The following MAP2K1 variants were observed in gnomAD, a reference collection of about 807,000 sequenced individuals.
MAP2K1 encodes mitogen-activated protein kinase kinase 1.
MAP2K1 carries 16 observed loss-of-function variants against 46.3 expected under a neutral mutation model. That is an observed-to-expected ratio of 0.35 (90% CI 0.23 to 0.52). The LOEUF is 0.52. Ranked by LOEUF, MAP2K1 falls within the 20% of genes least tolerant of loss-of-function variation. The pLI, the probability that MAP2K1 is intolerant of heterozygous loss-of-function variation, is 0.94. For missense variants in MAP2K1, 263 were observed against 497.1 expected (o/e 0.53, Z 4.48); for synonymous variants, 183 against 185.6 (o/e 0.99, Z 0.11).
chr15:66,428,269 T>C (rs2093464763), intron 1 of MAP2K1, among the ~76,000 whole-genome samples: 1 of 115,880 alleles, frequency 8.6e-6, no homozygotes, highest in South Asian at 3.2e-4. Context: ...ACAGCAGTTG[T>C]GCGTGTGTGT....
At chr15:66,449,569 T>C (rs1446416520) in intron 5 of MAP2K1, among the ~76,000 whole-genome samples, 3 of 152,312 alleles carry the variant, frequency 2.0e-5, no homozygotes, top group East Asian at 1.9e-4. Flanking sequence ...TGAAAATGCA[T>C]GAAAGTATAC....
intron 5 of MAP2K1, among the ~76,000 whole-genome samples, chr15:66,449,007 A>G (rs1487108004): frequency 2.4e-4 from 36 of 147,710 alleles, no homozygotes; most frequent in Admixed American, 1.2e-3. Context: ...CTGTCTCAAA[A>G]AAAAAAAAAA....
At chr15:66,490,198 T>G (rs1893202100) in intron 10 of MAP2K1, 1 of 545,116 alleles carries the variant, frequency 1.8e-6, no homozygotes, top group Non-Finnish European at 3.3e-6. Context: ...TAATATGCAC[T>G]AAGTCCATCA....
rs530049315 is a variant in MAP2K1, at chr15:66,454,670, G to A, written c.568+9963G>A. Among the ~76,000 whole-genome samples, 226 of 152,172 alleles carry A rather than the reference G, an allele frequency of 1.5e-3. 1 individual carries two copies. The highest frequency in any genetic ancestry group is 5.3e-3 in the African/African-American group (219 of 41,504). Reference sequence around the variant, plus strand: ...GAGGCTGAGGTGGGCAGATCACAAGGTCAGCAGTTTTGAGACCAGCCTGGC... The same window carrying A: ...GAGGCTGAGGTGGGCAGATCACAAGATCAGCAGTTTTGAGACCAGCCTGGC... On this transcript the variant is annotated intron_variant, in intron 5 of 10. Coordinates refer to ENST00000307102, the MANE Select transcript of MAP2K1 (RefSeq NM_002755.4).
intron 6 of MAP2K1, among the ~76,000 whole-genome samples, chr15:66,484,553 T>G (rs1892992173): frequency 6.6e-6 from 1 of 152,202 alleles, no homozygotes; most frequent in South Asian, 2.1e-4. Context: ...CCAGATCTTT[T>G]GTTCTATGTA....
At chr15:66,396,992 C>G (rs2093369269) in intron 1 of MAP2K1, among the ~76,000 whole-genome samples, 1 of 117,620 alleles carries the variant, frequency 8.5e-6, no homozygotes, top group Admixed American at 1.0e-4. Flanking sequence ...GCCTGTAACG[C>G]TTCTTTTTTT....
intron 5 of MAP2K1, among the ~76,000 whole-genome samples, chr15:66,479,936 C>T (rs1287646859): frequency 6.6e-6 from 1 of 151,894 alleles, no homozygotes; most frequent in Non-Finnish European, 1.5e-5. Context: ...CAGAGTTTCA[C>T]TCTTGTTGCC....
Position 66,485,300 on chromosome 15 carries a change from C to T in MAP2K1, c.895+109C>T, listed in dbSNP as rs1009617963. ...TGTACATTCTGCCAAGACTGATTCT[C>T]TGTCCCTGGATGCCAGGCTAGGGCC... On this transcript the variant is annotated intron_variant, in intron 7 of 10. Coordinates refer to ENST00000307102, the MANE Select transcript of MAP2K1 (RefSeq NM_002755.4). 3 of 1,106,900 alleles carry T rather than the reference C, an allele frequency of 2.7e-6. No individual in the cohort carries two copies. The Middle Eastern group carries it at 9.1e-4, about 336-fold the overall frequency. The allele number at this position is 1,106,900 out of a possible 1,614,324, so 68.6% of individuals were successfully genotyped here.
In MAP2K1 at chr15:66,435,124, G is replaced by T. The variant is rs2093484364; in HGVS notation, c.178G>T (p.Val60Leu). The T allele has an allele frequency of 6.2e-7, 1 of 1,614,122 alleles. No homozygotes were observed. The highest frequency in any genetic ancestry group is 8.5e-7 in the Non-Finnish European group (1 of 1,179,990). The change falls in exon 2 of 11, where the codon GTG (valine) becomes TTG (leucine). Residue 60 changes from valine to leucine, a missense_variant. Transcript: ENST00000307102. ...GGCCTTTCTTACCCAGAAGCAGAAGGTGGGAGAACTGAAGGATGACGACTT... is the reference window on the plus strand; with the variant it reads ...GGCCTTTCTTACCCAGAAGCAGAAGTTGGGAGAACTGAAGGATGACGACTT... ...LEAFLTQKQK[V>L]GELKDDDFEK...
rs1186445318 is a variant in MAP2K1 at position 66,408,254 on chromosome 15, C to T, written c.80+20827C>T. Among the ~76,000 whole-genome samples, 6 of 152,208 alleles carry T rather than the reference C, an allele frequency of 3.9e-5. No homozygotes were observed. In the East Asian group the frequency reaches 9.6e-4, roughly 24 times the overall value. On this transcript the variant is annotated intron_variant, in intron 1 of 10. Transcript: ENST00000307102. Reference sequence around the variant, plus strand: ...AAATTCTTATTTCCCAAAGAACTTACAGTGACGGGGCTCTTCAGCTGCTCT... The same window carrying T: ...AAATTCTTATTTCCCAAAGAACTTATAGTGACGGGGCTCTTCAGCTGCTCT...
At chr15:66,401,634 G>A (rs2093381874) in intron 1 of MAP2K1, among the ~76,000 whole-genome samples, 1 of 152,010 alleles carries the variant, frequency 6.6e-6, no homozygotes, top group Non-Finnish European at 1.5e-5. Flanking sequence ...GCACAAGAAG[G>A]AGGAAACAAT....
intron 1 of MAP2K1, among the ~76,000 whole-genome samples, chr15:66,399,275 G>T (rs2093375855): frequency 2.0e-5 from 3 of 152,086 alleles, no homozygotes. Context: ...TTTTCTGTAT[G>T]TTTGAAAAAA....
chr15:66,415,017 G>T, intron 1 of MAP2K1: 1 of 466,112 alleles, frequency 2.1e-6, no homozygotes, highest in South Asian at 1.5e-5. Flanking sequence ...CCAGCACCAT[G>T]GTAACCCCTG....
intron 1 of MAP2K1, among the ~76,000 whole-genome samples, chr15:66,414,166 C>G (rs375779672): frequency 9.9e-5 from 15 of 152,000 alleles, no homozygotes; most frequent in African/African-American, 3.1e-4. Flanking sequence ...ATCCTCTTGT[C>G]GCCTGTGATG....
chr15:66,479,885 A>ATT (rs11399903), intron 5 of MAP2K1, among the ~76,000 whole-genome samples: 1 of 151,044 alleles, frequency 6.6e-6, no homozygotes, highest in Non-Finnish European at 1.5e-5. Flanking sequence ...GAGGGTCATG[A>ATT]TTTTTTTTTA....
rs767237502 is a variant in MAP2K1, at chr15:66,490,546, T to C, written c.1113T>C (p.Phe371=). The stretch of plus-strand genomic sequence containing the variant: ...GATCTGATGCTGAGGAAGTGGATTT[T>C]GCAGGTTGGCTCTGCTCCACCATCG... ...IKRSDAEEVD[F]AGWLCSTIGL... Residue 371 remains phenylalanine, a synonymous_variant, in exon 11 of 11, where the codon TTT becomes TTC. Transcript: ENST00000307102. 5 of 1,614,228 alleles carry C rather than the reference T, an allele frequency of 3.1e-6. No individual in the cohort carries two copies. The highest frequency in any genetic ancestry group is 1.7e-6 in the Non-Finnish European group (2 of 1,180,034).
intron 1 of MAP2K1, among the ~76,000 whole-genome samples, chr15:66,406,018 T>G (rs2093395859): frequency 6.6e-6 from 1 of 152,238 alleles, no homozygotes; most frequent in Non-Finnish European, 1.5e-5. Context: ...GGCATTTATG[T>G]TAGAGTCAAA....
chr15:66,487,130 C>T (rs1430979377), intron 7 of MAP2K1, 98 bp from the exon 8 acceptor site: 3 of 961,056 alleles, frequency 3.1e-6, no homozygotes, highest in African/African-American at 1.6e-5. Context: ...TTGTCCATGA[C>T]CCTGTTCTGG....
chr15:66,452,287 T>A (rs11858952), intron 5 of MAP2K1, among the ~76,000 whole-genome samples: 969 of 103,396 alleles, frequency 9.4e-3, no homozygotes, highest in African/African-American at 0.017. Flanking sequence ...TAGAGTATAA[T>A]AAAAAAAAAA....
Sources: allele counts gnomAD v4.1 joint callset (sites outside exome capture counted in the v4.1 genomes callset), GRCh38; gene constraint gnomAD v4.1.1; transcripts MANE v1.5; gene names NCBI Gene and HGNC (gene_info 2026-07-23, HGNC 2026-07-21).